ARMC2: variants seen among roughly 807,000 people sequenced by gnomAD.
ARMC2 encodes the protein armadillo repeat containing 2.
In ARMC2, 67 loss-of-function variants were observed where a neutral mutation model predicts 90.3. That is an observed-to-expected ratio of 0.74 (90% CI 0.61 to 0.91). The LOEUF is 0.91. Among genes scored for constraint, ARMC2 ranks in the 40% least tolerant of loss-of-function variants. The probability of loss-of-function intolerance (pLI) is 0.00; values close to 1 mark genes in which losing one functional copy is unlikely to be tolerated. For missense variants in ARMC2, 920 were observed against 1,030.9 expected, an observed-to-expected ratio of 0.89 and a Z score of 1.47; for synonymous variants, 393 against 393.0, an observed-to-expected ratio of 1.00 and a Z score of 0.00.
intron 3 of ARMC2, among the ~76,000 whole-genome samples, chr6:108,862,150 C>T (rs544845473): frequency 6.2e-4 from 95 of 152,042 alleles, no homozygotes; most frequent in Middle Eastern, 3.4e-3. Context: ...TCGAGACCAG[C>T]CTGGCCAACA....
At chr6:108,885,164 C>T (rs17069960) in intron 5 of ARMC2, among the ~76,000 whole-genome samples, 8 of 151,682 alleles carry the variant, frequency 5.3e-5, no homozygotes, top group African/African-American at 1.7e-4. Flanking sequence ...TATATCTAAT[C>T]GTGTATATAT....
chr6:109,015,830 CTG>C, the ARMC2 span, among the ~76,000 whole-genome samples: 1 of 152,110 alleles, frequency 6.6e-6, no homozygotes, highest in African/African-American at 2.4e-5. Context: ...TGAATATACT[CTG>C]TGTTGTATAA....
chr6:108,913,056 G>A (rs993250593), intron 10 of ARMC2, among the ~76,000 whole-genome samples: 3 of 152,084 alleles, frequency 2.0e-5, no homozygotes, highest in Non-Finnish European at 2.9e-5. Context: ...AAAACTGGAC[G>A]CATGGAATAT....
In ARMC2 at chr6:108,941,899, A is replaced by AT. The variant is rs150467598; in HGVS notation, c.1596+4907dup. Among the ~76,000 whole-genome samples the AT allele has an allele frequency of 9.5e-3, 1,448 of 152,240 alleles. 23 individuals are homozygous for AT. The highest frequency in any genetic ancestry group is 0.031 in the African/African-American group (1,268 of 41,534). ...GTTGTAGTTTTAAGTCATTACTTTG[A>AT]TTTTTTTCCAGTAAGAAAAATACAT... is the stretch of plus-strand genomic sequence containing the variant. On this transcript the variant is annotated intron_variant, in intron 12 of 17. Coordinates refer to ENST00000392644, the MANE Select transcript of ARMC2 (RefSeq NM_032131.6).
At position 108,928,422 on chromosome 6, in the gene ARMC2, A is replaced by G. The variant is rs115145153; in HGVS notation, c.1496+189A>G. Reference sequence around the variant, plus strand: ...TCAAACAAATGAACCCATTGTCTATATGATTCTATTGTGATTCTAAACTCA... The same window carrying G: ...TCAAACAAATGAACCCATTGTCTATGTGATTCTATTGTGATTCTAAACTCA... On this transcript the variant is annotated intron_variant, in intron 11 of 17. Coordinates refer to ENST00000392644, the MANE Select transcript of ARMC2 (RefSeq NM_032131.6). Among the ~76,000 whole-genome samples, 79 of 152,298 alleles carry G rather than the reference A, an allele frequency of 5.2e-4. 1 individual carries two copies. Among genetic ancestry groups the G allele is most frequent in the African/African-American group, 1.9e-3 (77 of 41,570 alleles).
intron 2 of ARMC2, among the ~76,000 whole-genome samples, chr6:108,856,179 G>C (rs769700584): frequency 2.6e-5 from 4 of 152,048 alleles, no homozygotes; most frequent in Non-Finnish European, 5.9e-5. Context: ...AGATTTTATA[G>C]TTTTGTGTTT....
intron 5 of ARMC2, among the ~76,000 whole-genome samples, chr6:108,885,945 G>A (rs1562351957): frequency 6.6e-6 from 1 of 152,142 alleles, no homozygotes; most frequent in Non-Finnish European, 1.5e-5. Context: ...ATTGTCCATG[G>A]CCATCTTCAC....
At chr6:109,026,678 T>C in the ARMC2 span, among the ~76,000 whole-genome samples, 1 of 152,006 alleles carries the variant, frequency 6.6e-6, no homozygotes, top group Non-Finnish European at 1.5e-5. Flanking sequence ...CTAATTTTTG[T>C]ATTTTTAGTA....
the ARMC2 span, among the ~76,000 whole-genome samples, chr6:109,026,101 A>G: frequency 1.3e-5 from 2 of 152,340 alleles, no homozygotes; most frequent in East Asian, 3.9e-4. Context: ...GGGAAAACTA[A>G]GCTGACAGCC....
chr6:109,006,097 G>A, the ARMC2 span, among the ~76,000 whole-genome samples: 2 of 152,176 alleles, frequency 1.3e-5, no homozygotes, highest in Non-Finnish European at 2.9e-5. Flanking sequence ...CTAACACAAA[G>A]TATGAGCTGA....
At chr6:108,886,220 A>G (rs979848257) in intron 5 of ARMC2, among the ~76,000 whole-genome samples, 19 of 152,158 alleles carry the variant, frequency 1.2e-4, no homozygotes, top group Admixed American at 3.9e-4. Flanking sequence ...TGTTTAATCT[A>G]CTTCTTAATA....
At chr6:109,013,398 G>A in the ARMC2 span, among the ~76,000 whole-genome samples, 8 of 152,172 alleles carry the variant, frequency 5.3e-5, no homozygotes, top group Non-Finnish European at 1.2e-4. Context: ...TGGTAGTTAA[G>A]TTCCTTGAGG....
chr6:109,032,869 A>C, the ARMC2 span, among the ~76,000 whole-genome samples: 3 of 152,146 alleles, frequency 2.0e-5, no homozygotes, highest in Admixed American at 2.0e-4. Flanking sequence ...TTTAAAAAAC[A>C]ATTTTTTCTT....
the ARMC2 span, among the ~76,000 whole-genome samples, chr6:108,996,139 A>C: frequency 3.9e-4 from 59 of 152,262 alleles, no homozygotes; most frequent in Admixed American, 6.5e-4. Flanking sequence ...CAAGCCTAGC[A>C]TAGTACCTGG....
Position 108,936,958 on chromosome 6 carries a change from G to T in ARMC2, c.1555G>T (p.Ala519Ser). 6.2e-7 allele frequency: 1 copy of T among 1,602,868 alleles called. No homozygotes were observed. Among genetic ancestry groups the T allele is most frequent in the East Asian group, 2.2e-5 (1 of 44,762 alleles). ...TALASYSRCY[A>S]LFLNLINKYQ... Reference sequence around the variant, plus strand: ...CTTGGCCAGCTATTCCAGATGTTATGCCTTATTTCTGAATCTAATTAACAA... The same window carrying T: ...CTTGGCCAGCTATTCCAGATGTTATTCCTTATTTCTGAATCTAATTAACAA... The change falls in exon 12 of 18, where the codon GCC (alanine) becomes TCC (serine). Residue 519 changes from alanine (A) to serine (S), a missense_variant. Ala to Ser is a moderately conservative substitution (Grantham distance 99). Transcript: ENST00000392644.
In ARMC2 at chr6:108,890,189, C is replaced by CAA. The variant is rs869186045; in HGVS notation, c.672-4239_672-4238dup. ...TGGGTGACAGAGCGAGACTCCGTCT[C>CAA]AAAAAAAAAAAAAAAAAAAAAAAAA... On this transcript the variant is annotated intron_variant, in intron 5 of 17. Transcript: ENST00000392644. Among the ~76,000 whole-genome samples the CAA allele has an allele frequency of 2.0e-4, 13 of 64,250 alleles. 1 individual carries two copies. The highest frequency in any genetic ancestry group is 4.5e-4 in the African/African-American group (5 of 11,126). 42.2% of individuals were successfully genotyped at this position (64,250 alleles called of 152,430 possible).
chr6:108,880,469 A>G (rs1014929649), intron 5 of ARMC2, among the ~76,000 whole-genome samples: 2 of 152,200 alleles, frequency 1.3e-5, no homozygotes, highest in Non-Finnish European at 2.9e-5. Context: ...AACTATAAAG[A>G]TGATGTGGTC....
the ARMC2 span, among the ~76,000 whole-genome samples, chr6:109,033,312 T>A: frequency 6.6e-6 from 1 of 152,220 alleles, no homozygotes; most frequent in Non-Finnish European, 1.5e-5. Flanking sequence ...GAAGGCAGAC[T>A]GTTAAAAACT....
At chr6:108,916,537 AG>A (rs1773989517) in intron 10 of ARMC2, among the ~76,000 whole-genome samples, 1 of 152,232 alleles carries the variant, frequency 6.6e-6, no homozygotes, top group Admixed American at 6.5e-5. Flanking sequence ...AGAGTAAAGC[AG>A]GTTAAACTGT....
Sources: allele counts gnomAD v4.1 joint callset (sites outside exome capture counted in the v4.1 genomes callset), GRCh38; gene constraint gnomAD v4.1.1; transcripts MANE v1.5; gene names NCBI Gene and HGNC (gene_info 2026-07-23, HGNC 2026-07-21).